GPR89B: variants seen among roughly 807,000 people sequenced by gnomAD.
The protein encoded by GPR89B is golgi pH regulator B.
A neutral mutation model predicts 52.4 loss-of-function variants in GPR89B; 25 were observed. That is an observed-to-expected ratio of 0.48 (90% CI 0.35 to 0.67). The LOEUF is 0.67. Among genes scored for constraint, GPR89B ranks in the 30% least tolerant of loss-of-function variants. The pLI is 0.01. For synonymous variants in GPR89B, 52 were observed against 151.2 expected (o/e 0.34, Z 4.81); for missense variants, 146 against 450.2 (o/e 0.32, Z 6.11).
the GPR89B span, chr1:148,024,705 C>T: frequency 5.7e-4 from 83 of 145,698 alleles, no homozygotes; most frequent in African/African-American, 1.6e-3. Flanking sequence ...CCATGGAAGA[C>T]GCTGTCAGGA....
At chr1:148,013,731 C>T in the GPR89B span, among the ~76,000 whole-genome samples, 3 of 151,962 alleles carry the variant, frequency 2.0e-5, no homozygotes, top group South Asian at 4.2e-4. Context: ...GGGAAGGGGT[C>T]CCCTCCTGCC....
At position 147,989,999 on chromosome 1, in the gene GPR89B, A is replaced by G. The variant is rs1313736763; in HGVS notation, c.1095+1478A>G. 4.4e-4 allele frequency among the ~76,000 whole-genome samples: 67 copies of G among 152,362 alleles called. 1 individual carries two copies. The highest frequency in any genetic ancestry group is 1.6e-3 in the African/African-American group (66 of 41,592). Reference sequence around the variant, plus strand: ...TACCCAGTAATGGGATGACTGGGTCAAATGTTATTTCTAGTTGTAGATCCT... The same window carrying G: ...TACCCAGTAATGGGATGACTGGGTCGAATGTTATTTCTAGTTGTAGATCCT... On this transcript the variant is annotated intron_variant, in intron 12 of 13. Coordinates refer to ENST00000314163, the MANE Select transcript of GPR89B (RefSeq NM_016334.5).
chr1:147,982,066 T>C (rs113639633), intron 10 of GPR89B, among the ~76,000 whole-genome samples: 1 of 151,622 alleles, frequency 6.6e-6, no homozygotes, highest in Admixed American at 6.6e-5. Context: ...TTTATTTATT[T>C]ATTTATTTAC....
chr1:148,013,872 G>A, the GPR89B span, among the ~76,000 whole-genome samples: 1 of 152,022 alleles, frequency 6.6e-6, no homozygotes, highest in African/African-American at 2.4e-5. Context: ...AGGAGGAGGA[G>A]GCCGGTTGAG....
intron 3 of GPR89B, among the ~76,000 whole-genome samples, chr1:147,942,104 T>C (rs1654602795): frequency 6.6e-6 from 1 of 152,060 alleles, no homozygotes; most frequent in Non-Finnish European, 1.5e-5. Context: ...ATATAAAGAA[T>C]TCTTACAGTT....
intron 10 of GPR89B, among the ~76,000 whole-genome samples, chr1:147,983,326 G>T (rs1449409422): frequency 6.6e-6 from 1 of 152,060 alleles, no homozygotes; most frequent in African/African-American, 2.4e-5. Context: ...ATTGACAAAT[G>T]GGATCTAATT....
the GPR89B span, among the ~76,000 whole-genome samples, chr1:147,999,312 A>G: frequency 6.6e-6 from 1 of 150,928 alleles, no homozygotes; most frequent in Non-Finnish European, 1.5e-5. Flanking sequence ...AGGACACCTT[A>G]AAAAAAAATG....
chr1:148,014,338 CG>C, the GPR89B span: 1 of 151,796 alleles, frequency 6.6e-6, no homozygotes, highest in East Asian at 1.9e-4. Flanking sequence ...ACCAAGGAAG[CG>C]CACTCAAGAT....
At chr1:147,945,921 TC>T (rs1157014032) in intron 5 of GPR89B, among the ~76,000 whole-genome samples, 1 of 151,898 alleles carries the variant, frequency 6.6e-6, no homozygotes, top group Non-Finnish European at 1.5e-5. Flanking sequence ...AGATGGGGTT[TC>T]TCCACGTTGC....
chr1:147,955,141 A>G (rs1197330686), intron 7 of GPR89B, among the ~76,000 whole-genome samples: 2 of 151,812 alleles, frequency 1.3e-5, no homozygotes, highest in Non-Finnish European at 2.9e-5. Flanking sequence ...TTCCACATAT[A>G]AGTGAGAACA....
chr1:147,949,150 G>A (rs1455063201), intron 5 of GPR89B, among the ~76,000 whole-genome samples: 4 of 152,086 alleles, frequency 2.6e-5, no homozygotes, highest in African/African-American at 4.8e-5. Flanking sequence ...AAAGTCTCCC[G>A]GGTCTACCTC....
At chr1:148,009,215 G>C in the GPR89B span, 3 of 965,240 alleles carry the variant, frequency 3.1e-6, no homozygotes, top group Admixed American at 6.8e-5. Flanking sequence ...GAGGCAAGCT[G>C]TTGCAAGCTA....
intron 10 of GPR89B, among the ~76,000 whole-genome samples, chr1:147,979,239 G>A (rs1224767939): frequency 2.0e-4 from 30 of 151,852 alleles, no homozygotes; most frequent in African/African-American, 6.1e-4. Flanking sequence ...ACATTCACTC[G>A]CTGTTTTCAT....
chr1:147,934,845 A>G (rs1414738197), intron 1 of GPR89B, among the ~76,000 whole-genome samples: 3 of 152,220 alleles, frequency 2.0e-5, no homozygotes, highest in Non-Finnish European at 4.4e-5. Context: ...CACTTAGCAT[A>G]GCACATAGGA....
At position 147,993,491 on chromosome 1, in the gene GPR89B, G is replaced by T; in HGVS notation, c.*574G>T. On this transcript the variant is annotated 3_prime_UTR_variant, in exon 14 of 14. Coordinates refer to ENST00000314163, the MANE Select transcript of GPR89B (RefSeq NM_016334.5). ...TCTGTTCTTTTCCGGGAAAGGGGTG[G>T]TATGCACCTGAAATAGATTTTACCA... The T allele has an allele frequency of 5.7e-6, 1 of 176,104 alleles. No homozygotes were observed. The highest frequency in any genetic ancestry group is 1.2e-4 in the South Asian group (1 of 8,106). The allele number at this position is 176,104 out of a possible 1,614,324, so 10.9% of individuals were successfully genotyped here.
intron 5 of GPR89B, among the ~76,000 whole-genome samples, chr1:147,945,690 G>A (rs1197700909): frequency 9.9e-5 from 15 of 151,362 alleles, no homozygotes; most frequent in African/African-American, 3.6e-4. Flanking sequence ...CTCTATACAT[G>A]TTGCATTCTC....
chr1:148,004,916 CACACACACAT>C, the GPR89B span, among the ~76,000 whole-genome samples: 12 of 125,978 alleles, frequency 9.5e-5, no homozygotes, highest in African/African-American at 3.5e-4. Context: ...CACACACACA[CACACACACAT>C]AAAAATTAGC....
chr1:147,970,104 C>T, intron 10 of GPR89B, 145 bp downstream of exon 10: 1 of 1,060,184 alleles, frequency 9.4e-7, no homozygotes, highest in Non-Finnish European at 1.3e-6. Flanking sequence ...CATCTCTGGG[C>T]TTCATTTGTT....
chr1:147,952,704 A>G (rs1430669370), intron 5 of GPR89B, among the ~76,000 whole-genome samples: 1 of 151,928 alleles, frequency 6.6e-6, no homozygotes, highest in South Asian at 2.1e-4. Context: ...AAATACATCA[A>G]CCAGCAGTAT....
Sources: allele counts gnomAD v4.1 joint callset (sites outside exome capture counted in the v4.1 genomes callset), GRCh38; gene constraint gnomAD v4.1.1; transcripts MANE v1.5; gene names NCBI Gene and HGNC (gene_info 2026-07-23, HGNC 2026-07-21).